The following HLTF variants were observed in gnomAD, a reference collection of about 807,000 sequenced individuals.
HLTF encodes the protein helicase like transcription factor, also known as DNA-dependent ATPase/E3 ubiquitin-protein ligase HLTF.
In HLTF, 127 loss-of-function variants were observed where a neutral mutation model predicts 129.4. The ratio of observed to expected loss-of-function variants is 0.98; its 90% CI spans 0.85 to 1.14. The LOEUF (loss-of-function observed/expected upper bound fraction) is 1.14. Among genes scored for constraint, HLTF ranks in the 50% most tolerant of loss-of-function variants. HLTF has a pLI of 0.00. For synonymous variants in HLTF, 332 were observed against 388.8 expected (o/e 0.85, Z 1.72); for missense variants, 1,139 against 1,187.1 (o/e 0.96, Z 0.60).
intron 9 of HLTF, among the ~76,000 whole-genome samples, chr3:149,064,119 T>G (rs1718167394): frequency 6.6e-6 from 1 of 152,160 alleles, no homozygotes; most frequent in Admixed American, 6.5e-5. Flanking sequence ...TCAACCTTAC[T>G]TCTTTCCTTC....
chr3:149,076,847 G>A (rs904845402), intron 2 of HLTF, among the ~76,000 whole-genome samples: 3 of 152,086 alleles, frequency 2.0e-5, no homozygotes, highest in African/African-American at 7.2e-5. Flanking sequence ...TCAGAACACT[G>A]AGAACTAAAT....
In HLTF at chr3:149,086,392, C is replaced by G. The variant is rs1720427860; in HGVS notation, c.-56G>C. On this transcript the variant is annotated 5_prime_UTR_variant, in exon 1 of 25. Coordinates refer to ENST00000310053, the MANE Select transcript of HLTF (RefSeq NM_003071.4). ...TCGGCTCCCCTGGATCGTTTTCGAG[C>G]CGCCTCGATACGCCTCCTTCCAGGC... The G allele has an allele frequency of 1.9e-6, 3 of 1,551,976 alleles. No individual in the cohort carries two copies. In the Admixed American group the frequency reaches 5.8e-5, roughly 30 times the overall value.
intron 13 of HLTF, among the ~76,000 whole-genome samples, chr3:149,055,873 AAAG>A (rs1166578022): frequency 6.6e-6 from 1 of 152,224 alleles, no homozygotes; most frequent in Non-Finnish European, 1.5e-5. Context: ...ATAGATTACA[AAAG>A]AAGTTTCCGT....
chr3:149,081,265 T>TAAAAAAAAAAAAA (rs62889662), intron 2 of HLTF, among the ~76,000 whole-genome samples: 1 of 129,874 alleles, frequency 7.7e-6, no homozygotes, highest in African/African-American at 2.9e-5. Flanking sequence ...GAAAACACAC[T>TAAAAAAAAAAAAA]AAAAAAAAAA....
chr3:149,079,052 G>C (rs966223418), intron 2 of HLTF, among the ~76,000 whole-genome samples: 1 of 152,076 alleles, frequency 6.6e-6, no homozygotes, highest in Non-Finnish European at 1.5e-5. Context: ...CAGCGAAGCT[G>C]AAGATAGGTC....
At chr3:149,053,156 C>T (rs1044607164) in intron 14 of HLTF, among the ~76,000 whole-genome samples, 5 of 152,072 alleles carry the variant, frequency 3.3e-5, no homozygotes, top group East Asian at 1.9e-4. Flanking sequence ...GCCAGGAAGA[C>T]GGTATCTTGT....
Position 149,068,337 on chromosome 3 carries a change from T to C in HLTF, c.895-2A>G. On this transcript the variant is annotated splice_acceptor_variant, in intron 7 of 24. Coordinates refer to ENST00000310053, the MANE Select transcript of HLTF (RefSeq NM_003071.4). LOFTEE classifies it high-confidence loss of function. ...TGCAATGGCCGTAAGAGTTTTACCC[T>C]TAAAAATGTTTTAAAAAGATAAATG... 3 of 1,380,772 alleles carry C rather than the reference T, an allele frequency of 2.2e-6. No homozygotes were observed. Among genetic ancestry groups the C allele is most frequent in the Non-Finnish European group, 2.0e-6 (2 of 987,442 alleles). The allele number at this position is 1,380,772 out of a possible 1,614,324, so 85.5% of individuals were successfully genotyped here.
In HLTF at chr3:149,050,434, T is replaced by C. The variant is rs543898128; in HGVS notation, c.1474-59A>G. ...GCAGATTTGTGTCAGACTTAATAGA[T>C]GTATAAAAAAGTAACTGCCCTGGCA... is the stretch of plus-strand genomic sequence containing the variant. On this transcript the variant is annotated intron_variant, in intron 14 of 24. Coordinates refer to ENST00000310053, the MANE Select transcript of HLTF (RefSeq NM_003071.4). 2.6e-4 allele frequency: 316 copies of C among 1,227,684 alleles called. 3 individuals carry two copies. In the South Asian group the frequency reaches 5.1e-3, roughly 20 times the overall value. 76.0% of individuals were successfully genotyped at this position (1,227,684 alleles called of 1,614,324 possible). A position where few individuals can be genotyped will look rare whatever the true frequency, so the allele number is the denominator to read the frequency against.
rs1191259032 is a variant in HLTF, at chr3:149,048,982, A to G, written c.1637T>C (p.Leu546Ser). Residue 546 changes from leucine (L) to serine (S), a missense_variant, in exon 16 of 25, where the codon TTA becomes TCA. Leu to Ser is a moderately radical substitution (Grantham distance 145). Coordinates refer to ENST00000310053, the MANE Select transcript of HLTF (RefSeq NM_003071.4). The stretch of plus-strand genomic sequence containing the variant: ...CACTCTTAGCCACCTTATGCTATGT[A>G]ATGGACTATCTCCTTTAGTCTGAAA... Reference protein sequence around the residue: ...HDYGTKGDSPLHSIRWLRVIL... With the variant: ...HDYGTKGDSPSHSIRWLRVIL... 1 of 1,605,542 alleles carries G rather than the reference A, an allele frequency of 6.2e-7. No individual in the cohort carries two copies. The highest frequency in any genetic ancestry group is 8.5e-7 in the Non-Finnish European group (1 of 1,172,560).
In HLTF at chr3:149,071,565, A is replaced by G; in HGVS notation, c.702+18T>C. Reference sequence around the variant, plus strand: ...AAACATTCTGAGTAGTCTTAAATAAAAAATATTGGTTCAATACCTCAGCTG... The same window carrying G: ...AAACATTCTGAGTAGTCTTAAATAAGAAATATTGGTTCAATACCTCAGCTG... On this transcript the variant is annotated intron_variant, in intron 6 of 24. Coordinates refer to ENST00000310053, the MANE Select transcript of HLTF (RefSeq NM_003071.4). 1 of 1,555,044 alleles carries G rather than the reference A, an allele frequency of 6.4e-7. No homozygotes were observed. Among genetic ancestry groups the G allele is most frequent in the Non-Finnish European group, 8.8e-7 (1 of 1,132,128 alleles).
chr3:149,048,202 A>G (rs768296263), intron 16 of HLTF, 39 bp from the exon 17 acceptor site: 3 of 1,550,630 alleles, frequency 1.9e-6, no homozygotes, highest in Non-Finnish European at 1.7e-6. Context: ...CTTTAACCAG[A>G]GTATCCAGTA....
At chr3:149,036,035 T>C (rs1715585269) in intron 23 of HLTF, among the ~76,000 whole-genome samples, 2 of 151,030 alleles carry the variant, frequency 1.3e-5, no homozygotes, top group Admixed American at 1.3e-4. Context: ...CTCGGGAGGC[T>C]GAGGCAGGAG....
At chr3:149,073,061 G>T (rs1175965430) in intron 5 of HLTF, among the ~76,000 whole-genome samples, 164 bp downstream of exon 5, 1 of 152,024 alleles carries the variant, frequency 6.6e-6, no homozygotes, top group Non-Finnish European at 1.5e-5. Context: ...TATATAAAAT[G>T]TTAACATATA....
chr3:149,059,297 T>C (rs1717721866), intron 13 of HLTF: 1 of 327,762 alleles, frequency 3.1e-6, no homozygotes, highest in Middle Eastern at 9.9e-4. Context: ...TTAAGCAGTG[T>C]TGTTTTCCTA....
intron 2 of HLTF, among the ~76,000 whole-genome samples, chr3:149,082,446 G>C (rs750993617): frequency 6.6e-6 from 1 of 152,178 alleles, no homozygotes; most frequent in East Asian, 1.9e-4. Flanking sequence ...GAAACAGAGC[G>C]AGACTCCGTC....
chr3:149,077,410 C>T (rs1719471224), intron 2 of HLTF, among the ~76,000 whole-genome samples: 2 of 151,954 alleles, frequency 1.3e-5, no homozygotes. Flanking sequence ...CCTGAAGTTC[C>T]CCGGAAGACC....
intron 2 of HLTF, among the ~76,000 whole-genome samples, chr3:149,078,411 A>G (rs2108064001): frequency 1.3e-5 from 2 of 152,244 alleles, no homozygotes; most frequent in South Asian, 4.1e-4. Flanking sequence ...TTAGCCAGGT[A>G]TGGTGGTACA....
At chr3:149,077,694 T>G (rs966576747) in intron 2 of HLTF, among the ~76,000 whole-genome samples, 6 of 151,682 alleles carry the variant, frequency 4.0e-5, no homozygotes, top group Non-Finnish European at 8.8e-5. Flanking sequence ...TGACCAGGGC[T>G]GTGCACATTC....
At chr3:149,066,872 A>C (rs1255430960) in intron 8 of HLTF, among the ~76,000 whole-genome samples, 1 of 152,206 alleles carries the variant, frequency 6.6e-6, no homozygotes, top group African/African-American at 2.4e-5. Context: ...AACTCTCAAT[A>C]AAAGTAGAAA....
Sources: gnomAD v4.1 joint callset for allele counts (sites outside exome capture counted in the v4.1 genomes callset) on GRCh38, gnomAD v4.1.1 for gene constraint, MANE v1.5 for transcripts, NCBI Gene and HGNC (gene_info 2026-07-23, HGNC 2026-07-21) for gene names.